OPCML: variants seen among roughly 807,000 people sequenced by gnomAD.
OPCML encodes opioid-binding protein/cell adhesion molecule.
In OPCML, 13 loss-of-function variants were observed where a neutral mutation model predicts 37.8. That is an observed-to-expected ratio of 0.34 (90% CI 0.22 to 0.55). The LOEUF (loss-of-function observed/expected upper bound fraction) is 0.55, where lower values mean the gene tolerates loss of function less well. Ranked by LOEUF, OPCML falls within the 20% of genes least tolerant of loss-of-function variation. The pLI, the probability that OPCML is intolerant of heterozygous loss-of-function variation, is 0.91. For synonymous variants in OPCML, 176 were observed against 168.8 expected (o/e 1.04, Z -0.33); for missense variants, 341 against 435.6 (o/e 0.78, Z 1.93).
chr11:133,274,448 A>G (rs1471706702), intron 1 of OPCML, among the ~76,000 whole-genome samples: 3 of 152,212 alleles, frequency 2.0e-5, no homozygotes, highest in African/African-American at 7.2e-5. Flanking sequence ...CCACAAGCCA[A>G]TGAACACCAG....
chr11:133,508,609 C>T (rs1177381488), intron 1 of OPCML, among the ~76,000 whole-genome samples: 1 of 152,228 alleles, frequency 6.6e-6, no homozygotes, highest in African/African-American at 2.4e-5. Context: ...GCAATGCTCC[C>T]TCTGGCCTCA....
chr11:132,698,206 T>C (rs1943671300), intron 2 of OPCML, among the ~76,000 whole-genome samples: 1 of 151,982 alleles, frequency 6.6e-6, no homozygotes, highest in Non-Finnish European at 1.5e-5. Flanking sequence ...TTTTAATTTT[T>C]TGAGGAACTT....
intron 1 of OPCML, among the ~76,000 whole-genome samples, chr11:132,991,647 T>C (rs1422716253): frequency 6.6e-6 from 1 of 152,206 alleles, no homozygotes; most frequent in Non-Finnish European, 1.5e-5. Flanking sequence ...CTTGCTGCCA[T>C]GGCAGCCCAG....
intron 2 of OPCML, among the ~76,000 whole-genome samples, chr11:132,752,662 GTTGT>G (rs1475876021): frequency 2.1e-5 from 3 of 144,964 alleles, no homozygotes; most frequent in African/African-American, 8.1e-5. Flanking sequence ...CCTACTCAAT[GTTGT>G]TTTTTTTTTT....
At position 133,430,539 on chromosome 11, in the gene OPCML, A is replaced by C. The variant is rs569894542; in HGVS notation, c.61+101725T>G. Reference sequence around the variant, plus strand: ...GGGATGGATAATCTAAGCACAACAGAAAAGAAAAAAATGTACACGTACAAT... The same window carrying C: ...GGGATGGATAATCTAAGCACAACAGCAAAGAAAAAAATGTACACGTACAAT... On this transcript the variant is annotated intron_variant, in intron 1 of 7. Transcript: ENST00000524381. Among the ~76,000 whole-genome samples, 36 of 152,352 alleles carry C rather than the reference A, an allele frequency of 2.4e-4. 1 individual carries two copies. The highest frequency in any genetic ancestry group is 8.7e-4 in the African/African-American group (36 of 41,588).
At chr11:133,350,543 C>G (rs1237250369) in intron 1 of OPCML, among the ~76,000 whole-genome samples, 1 of 152,052 alleles carries the variant, frequency 6.6e-6, no homozygotes, top group Admixed American at 6.5e-5. Flanking sequence ...GGAATGTCAC[C>G]CCCACCAAAA....
chr11:133,129,999 A>G (rs1174064834), intron 1 of OPCML, among the ~76,000 whole-genome samples: 1 of 152,190 alleles, frequency 6.6e-6, no homozygotes, highest in Non-Finnish European at 1.5e-5. Context: ...GCAAGAATTG[A>G]CACAAATTAT....
intron 3 of OPCML, among the ~76,000 whole-genome samples, chr11:132,570,776 T>TAC (rs1274177795): frequency 9.1e-6 from 1 of 109,646 alleles, no homozygotes; most frequent in African/African-American, 3.8e-5. Context: ...TATATATATA[T>TAC]ATATATATAT....
chr11:133,252,208 T>C (rs1443358112), intron 1 of OPCML, among the ~76,000 whole-genome samples: 1 of 152,196 alleles, frequency 6.6e-6, no homozygotes, highest in Non-Finnish European at 1.5e-5. Flanking sequence ...CATACACACA[T>C]ACATACATAT....
intron 1 of OPCML, among the ~76,000 whole-genome samples, chr11:133,322,656 A>G (rs1028072691): frequency 3.9e-5 from 6 of 152,220 alleles, no homozygotes; most frequent in African/African-American, 1.4e-4. Context: ...CCCAAGACAT[A>G]TAAATGCTAC....
At chr11:133,083,849 G>T (rs1173555438) in intron 1 of OPCML, among the ~76,000 whole-genome samples, 2 of 152,196 alleles carry the variant, frequency 1.3e-5, no homozygotes, top group Non-Finnish European at 2.9e-5. Context: ...ACGGGATGAT[G>T]AACTTGGTAG....
At chr11:133,012,277 C>A (rs1947233786) in intron 1 of OPCML, among the ~76,000 whole-genome samples, 2 of 152,146 alleles carry the variant, frequency 1.3e-5, no homozygotes. Flanking sequence ...GTCGGGAAAA[C>A]CTGGCGTAGA....
chr11:133,477,159 G>GT (rs1417614286), intron 1 of OPCML, among the ~76,000 whole-genome samples: 2 of 151,734 alleles, frequency 1.3e-5, no homozygotes, highest in Non-Finnish European at 2.9e-5. Context: ...CATTACAGTT[G>GT]TTTTTCCCCC....
intron 1 of OPCML, among the ~76,000 whole-genome samples, chr11:133,144,532 C>A (rs1949871366): frequency 1.3e-5 from 2 of 152,220 alleles, no homozygotes; most frequent in Admixed American, 1.3e-4. Flanking sequence ...TTCCTACAAG[C>A]CCAGGGAAGC....
At chr11:132,466,479 G>A (rs11223083) in intron 4 of OPCML, among the ~76,000 whole-genome samples, 68,082 of 147,384 alleles carry the variant, frequency 0.46, 17,219 homozygotes, top group East Asian at 0.87. Context: ...GCGAGACTCC[G>A]TCTCGGAAAA....
intron 1 of OPCML, among the ~76,000 whole-genome samples, chr11:133,014,754 G>C (rs1275117878): frequency 6.6e-6 from 1 of 152,222 alleles, no homozygotes. Context: ...GTTTTAATCT[G>C]AACTGAACAC....
At chr11:133,009,162 G>T in intron 1 of OPCML, 1 of 985,176 alleles carries the variant, frequency 1.0e-6, no homozygotes, top group South Asian at 4.7e-5. Context: ...TTTACTCTTT[G>T]TCCTTTCAAG....
intron 2 of OPCML, among the ~76,000 whole-genome samples, chr11:132,809,493 G>T (rs557693390): frequency 6.6e-6 from 1 of 152,164 alleles, no homozygotes; most frequent in South Asian, 2.1e-4. Flanking sequence ...GGTGTACGGA[G>T]CTTATTTTTA....
At chr11:133,243,008 G>C (rs1344109643) in intron 1 of OPCML, among the ~76,000 whole-genome samples, 3 of 152,310 alleles carry the variant, frequency 2.0e-5, no homozygotes, top group Admixed American at 6.5e-5. Flanking sequence ...TTCTGTCTCT[G>C]TTTGGTCTTC....
Sources: allele counts gnomAD v4.1 joint callset (sites outside exome capture counted in the v4.1 genomes callset), GRCh38; gene constraint gnomAD v4.1.1; transcripts MANE v1.5; gene names NCBI Gene and HGNC (gene_info 2026-07-23, HGNC 2026-07-21).